SLC16A10: variants seen among roughly 807,000 people sequenced by gnomAD.
SLC16A10 encodes solute carrier family 16 member 10.
SLC16A10 carries 27 observed loss-of-function variants against 40.0 expected under a neutral mutation model. That is an observed-to-expected ratio of 0.67 (90% CI 0.50 to 0.93). SLC16A10 has a LOEUF of 0.93. Among genes scored for constraint, SLC16A10 ranks in the 40% least tolerant of loss-of-function variants. SLC16A10 has a pLI of 0.00. For missense variants in SLC16A10, 529 were observed against 658.2 expected, an observed-to-expected ratio of 0.80 and a Z score of 2.15; for synonymous variants, 213 against 249.8, an observed-to-expected ratio of 0.85 and a Z score of 1.39.
intron 1 of SLC16A10, among the ~76,000 whole-genome samples, chr6:111,152,774 G>T (rs1350064985): frequency 1.3e-5 from 2 of 152,224 alleles, no homozygotes; most frequent in African/African-American, 4.8e-5. Context: ...TTTGAGGAAG[G>T]TAGAGAGGTC....
At chr6:111,168,039 GCA>G (rs1772510498) in intron 1 of SLC16A10, among the ~76,000 whole-genome samples, 1 of 151,840 alleles carries the variant, frequency 6.6e-6, no homozygotes. Context: ...GAATGCAGTG[GCA>G]CAGTCTCAGC....
rs185370776 is a variant in SLC16A10, at chr6:111,226,420, C to G, written c.*4185C>G. 1.8e-4 allele frequency: 28 copies of G among 152,170 alleles called. No homozygotes were observed. Among genetic ancestry groups the G allele is most frequent in the Admixed American group, 1.5e-3 (23 of 15,270 alleles). The allele number at this position is 152,170 out of a possible 1,614,324, so 9.4% of individuals were successfully genotyped here. ...AGTAAATTCCCAGAGTTTAGAGATA[C>G]AAGTAGAAATGCATAAGCTAATTAG... is the stretch of plus-strand genomic sequence containing the variant. On this transcript the variant is annotated 3_prime_UTR_variant, in exon 6 of 6. Transcript: ENST00000368851.
intron 1 of SLC16A10, among the ~76,000 whole-genome samples, chr6:111,152,226 A>G (rs1445426491): frequency 1.3e-5 from 2 of 152,124 alleles, no homozygotes; most frequent in Non-Finnish European, 2.9e-5. Context: ...TTTCCTCTTT[A>G]TATGGATTTT....
chr6:111,196,215 T>C lies in SLC16A10; in HGVS notation c.943-10377T>C, dbSNP rs949880739. ...AGCCAGGCATGATGGCAGCTGCCTATAGTCCCAGCTACTCAGGAGGCTGAG... is the reference window on the plus strand; with the variant it reads ...AGCCAGGCATGATGGCAGCTGCCTACAGTCCCAGCTACTCAGGAGGCTGAG... On this transcript the variant is annotated intron_variant, in intron 3 of 5. Coordinates refer to ENST00000368851, the MANE Select transcript of SLC16A10 (RefSeq NM_018593.5). Among the ~76,000 whole-genome samples the C allele has an allele frequency of 2.0e-5, 3 of 152,106 alleles. No individual in the cohort carries two copies. In the East Asian group the frequency reaches 5.8e-4, roughly 29 times the overall value.
At chr6:111,165,689 G>A (rs1194664469) in intron 1 of SLC16A10, among the ~76,000 whole-genome samples, 1 of 152,228 alleles carries the variant, frequency 6.6e-6, no homozygotes, top group African/African-American at 2.4e-5. Flanking sequence ...TTTTCAAAGA[G>A]ATGGTAAGCA....
At chr6:111,200,552 A>T (rs1773151316) in intron 3 of SLC16A10, among the ~76,000 whole-genome samples, 1 of 152,188 alleles carries the variant, frequency 6.6e-6, no homozygotes, top group Non-Finnish European at 1.5e-5. Context: ...CCTCTAGCAA[A>T]AACACAGCTA....
chr6:111,209,200 G>A (rs908759239), intron 4 of SLC16A10, among the ~76,000 whole-genome samples: 1 of 152,172 alleles, frequency 6.6e-6, no homozygotes, highest in African/African-American at 2.4e-5. Flanking sequence ...GTGACACCAT[G>A]TCTCTAAAAT....
At chr6:111,088,533 G>A (rs934993326) in intron 1 of SLC16A10, among the ~76,000 whole-genome samples, 3 of 152,142 alleles carry the variant, frequency 2.0e-5, no homozygotes, top group African/African-American at 7.2e-5. Context: ...CCGCAGAGGG[G>A]TGTGCGTATG....
chr6:111,116,279 G>A (rs968067322), intron 1 of SLC16A10, among the ~76,000 whole-genome samples: 1 of 151,740 alleles, frequency 6.6e-6, no homozygotes, highest in Non-Finnish European at 1.5e-5. Flanking sequence ...GTGCAGTGGC[G>A]CAATCTCGGC....
intron 1 of SLC16A10, among the ~76,000 whole-genome samples, chr6:111,166,515 G>A (rs1053621654): frequency 2.6e-5 from 4 of 151,094 alleles, no homozygotes; most frequent in African/African-American, 9.7e-5. Flanking sequence ...AAGGCTATTA[G>A]ACCAATATTG....
At chr6:111,196,225 T>A (rs1389899626) in intron 3 of SLC16A10, among the ~76,000 whole-genome samples, 1 of 152,014 alleles carries the variant, frequency 6.6e-6, no homozygotes, top group Non-Finnish European at 1.5e-5. Flanking sequence ...TAGTCCCAGC[T>A]ACTCAGGAGG....
At chr6:111,114,500 TC>T (rs1375249081) in intron 1 of SLC16A10, among the ~76,000 whole-genome samples, 1 of 152,226 alleles carries the variant, frequency 6.6e-6, no homozygotes, top group Non-Finnish European at 1.5e-5. Flanking sequence ...GTAAGATACA[TC>T]TACATTTTAG....
At chr6:111,213,560 T>C (rs1773377770) in intron 4 of SLC16A10, among the ~76,000 whole-genome samples, 1 of 152,222 alleles carries the variant, frequency 6.6e-6, no homozygotes, top group Non-Finnish European at 1.5e-5. Flanking sequence ...CTTTATCAAA[T>C]GTAAGCTATT....
At chr6:111,130,239 G>A (rs896531217) in intron 1 of SLC16A10, among the ~76,000 whole-genome samples, 4 of 152,144 alleles carry the variant, frequency 2.6e-5, no homozygotes, top group African/African-American at 9.7e-5. Context: ...TGTTCTAAAC[G>A]AAATCCCATC....
At chr6:111,103,103 G>A (rs1417981161) in intron 1 of SLC16A10, among the ~76,000 whole-genome samples, 3 of 151,864 alleles carry the variant, frequency 2.0e-5, no homozygotes, top group Non-Finnish European at 4.4e-5. Flanking sequence ...ACGGGGTTTC[G>A]CCACATTGCC....
At chr6:111,149,039 T>A (rs1367487546) in intron 1 of SLC16A10, among the ~76,000 whole-genome samples, 40 of 152,190 alleles carry the variant, frequency 2.6e-4, no homozygotes, top group Non-Finnish European at 1.5e-5. Context: ...TTCTCTAGTT[T>A]CCTCTGTAGC....
In SLC16A10 at chr6:111,172,773, G is replaced by C. The variant is rs1295646194; in HGVS notation, c.422G>C (p.Cys141Ser). Residue 141 changes from cysteine to serine, a missense_variant, in exon 2 of 6, where the codon TGT becomes TCT. By Grantham distance (112) the Cys-to-Ser change is moderately radical. Transcript: ENST00000368851. ...AGCGTCTTCACAGACCTATTTGGTT[G>C]TCGGAAAACAGCTGTCGTGGGTGCT... ...IVSVFTDLFG[C>S]RKTAVVGAAV... The C allele has an allele frequency of 6.2e-7, 1 of 1,614,156 alleles. No individual in the cohort carries two copies. Among genetic ancestry groups the C allele is most frequent in the Non-Finnish European group, 8.5e-7 (1 of 1,180,008 alleles).
intron 1 of SLC16A10, among the ~76,000 whole-genome samples, chr6:111,114,589 A>G (rs1037612011): frequency 7.2e-5 from 11 of 152,304 alleles, no homozygotes; most frequent in African/African-American, 1.9e-4. Context: ...AATAAGGTAA[A>G]TGTATTTTAT....
At chr6:111,111,235 GAT>G (rs1168588822) in intron 1 of SLC16A10, among the ~76,000 whole-genome samples, 4 of 152,098 alleles carry the variant, frequency 2.6e-5, no homozygotes, top group African/African-American at 9.7e-5. Flanking sequence ...AAAATTGACA[GAT>G]AAAATTGTAT....
Sources: gnomAD v4.1 joint callset for allele counts (sites outside exome capture counted in the v4.1 genomes callset) on GRCh38, gnomAD v4.1.1 for gene constraint, MANE v1.5 for transcripts, NCBI Gene and HGNC (gene_info 2026-07-23, HGNC 2026-07-21) for gene names.